MYO1E: variants seen among roughly 807,000 people sequenced by gnomAD.
MYO1E encodes myosin IE.
A neutral mutation model predicts 151.1 loss-of-function variants in MYO1E; 68 were observed. The observed-to-expected ratio is 0.45, with a 90% confidence interval of 0.37 to 0.55. MYO1E has a LOEUF of 0.55. Among genes scored for constraint, MYO1E ranks in the 20% least tolerant of loss-of-function variants. The probability of loss-of-function intolerance (pLI) is 0.00; values close to 1 mark genes in which losing one functional copy is unlikely to be tolerated. For synonymous variants in MYO1E, 601 were observed against 501.7 expected, an observed-to-expected ratio of 1.20 and a Z score of -2.64; for missense variants, 1,363 against 1,389.3, an observed-to-expected ratio of 0.98 and a Z score of 0.30.
In MYO1E at chr15:59,259,107, C is replaced by A. The variant is rs563904324; in HGVS notation, c.237+2313G>T. On this transcript the variant is annotated intron_variant, in intron 3 of 27. Coordinates refer to ENST00000288235, the MANE Select transcript of MYO1E (RefSeq NM_004998.4). ...CCACCATGCCCAGTCCAATTTCCCT[C>A]TTTTGGTCATCCTCTCAATTTTGAG... 4.5e-4 allele frequency among the ~76,000 whole-genome samples: 68 copies of A among 152,274 alleles called. 2 individuals carry two copies. In the South Asian group the frequency reaches 0.012, roughly 26 times the overall value.
At chr15:59,370,167 G>T (rs1417602110) in intron 1 of MYO1E, among the ~76,000 whole-genome samples, 2 of 152,198 alleles carry the variant, frequency 1.3e-5, no homozygotes, top group South Asian at 2.1e-4. Flanking sequence ...CACACCCAAA[G>T]AAGGTAATGT....
At position 59,335,638 on chromosome 15, in the gene MYO1E, T is replaced by C. The variant is rs1400635181; in HGVS notation, c.3+36860A>G. Among the ~76,000 whole-genome samples the C allele has an allele frequency of 4.6e-5, 7 of 152,204 alleles. No individual in the cohort carries two copies. The South Asian group carries it at 1.0e-3, about 22-fold the overall frequency. On this transcript the variant is annotated intron_variant, in intron 1 of 27. Coordinates refer to ENST00000288235, the MANE Select transcript of MYO1E (RefSeq NM_004998.4). ...CTTTGAAGTCCCCCACCTGTTTTCC[T>C]AGCTACTTGGAGGCCACGATGGACT...
At chr15:59,202,718 G>A (rs1207614474) in intron 15 of MYO1E, among the ~76,000 whole-genome samples, 1 of 152,194 alleles carries the variant, frequency 6.6e-6, no homozygotes, top group Non-Finnish European at 1.5e-5. Context: ...GAACATAACA[G>A]AGGGAGGTCA....
rs1311509062 is a variant in MYO1E, at chr15:59,223,049, GGCTAC to G, written c.910+5_910+9del. On this transcript the variant is annotated splice_donor_5th_base_variant and intron_variant, in intron 9 of 27. Coordinates refer to ENST00000288235, the MANE Select transcript of MYO1E (RefSeq NM_004998.4). ...CCCTCATTCAATGGCCACATGCCAG[GGCTAC>G]GCACACTCTTCACTCTCCACAGCCG... is the stretch of plus-strand genomic sequence containing the variant. The G allele has an allele frequency of 3.1e-6, 5 of 1,613,746 alleles. No individual in the cohort carries two copies. The highest frequency in any genetic ancestry group is 4.2e-6 in the Non-Finnish European group (5 of 1,180,012).
At chr15:59,281,801 G>A (rs1596398919) in intron 1 of MYO1E, among the ~76,000 whole-genome samples, 1 of 151,982 alleles carries the variant, frequency 6.6e-6, no homozygotes, top group South Asian at 2.1e-4. Context: ...AAATAGCTAC[G>A]AAGACAAATG....
chr15:59,372,491 A>T lies in MYO1E; in HGVS notation c.3+7T>A, dbSNP rs2080953473. ...CGGCGTCCTAGGACGCGGCGCGGCC[A>T]ACTCACCATGGTGACTCGCGCCGCG... is the stretch of plus-strand genomic sequence containing the variant. On this transcript the variant is annotated splice_region_variant and intron_variant, in intron 1 of 27. Coordinates refer to ENST00000288235, the MANE Select transcript of MYO1E (RefSeq NM_004998.4). 6.5e-7 allele frequency: 1 copy of T among 1,539,550 alleles called. No homozygotes were observed. Among genetic ancestry groups the T allele is most frequent in the East Asian group, 2.5e-5 (1 of 40,684 alleles).
intron 26 of MYO1E, among the ~76,000 whole-genome samples, chr15:59,143,831 A>G (rs2079425156): frequency 6.6e-6 from 1 of 152,132 alleles, no homozygotes; most frequent in African/African-American, 2.4e-5. Context: ...GCCTCTGCCC[A>G]CTTCCCAGGC....
At chr15:59,165,210 A>G (rs1427331416) in intron 22 of MYO1E, among the ~76,000 whole-genome samples, 1 of 152,172 alleles carries the variant, frequency 6.6e-6, no homozygotes, top group African/African-American at 2.4e-5. Context: ...GAACCACAGC[A>G]CAATTGGATA....
chr15:59,320,144 C>T (rs1045672733), intron 1 of MYO1E, among the ~76,000 whole-genome samples: 1 of 152,056 alleles, frequency 6.6e-6, no homozygotes, highest in Non-Finnish European at 1.5e-5. Flanking sequence ...ATAAGAACTA[C>T]AAAACACTGT....
intron 7 of MYO1E, among the ~76,000 whole-genome samples, chr15:59,225,086 G>A (rs1211215059): frequency 1.3e-5 from 2 of 152,198 alleles, no homozygotes; most frequent in African/African-American, 4.8e-5. Flanking sequence ...CGGAAGAGTG[G>A]AAAGCAAAAC....
Position 59,195,453 on chromosome 15 carries a change from C to T in MYO1E, c.1805+8G>A, listed in dbSNP as rs757001000. 6.2e-7 allele frequency: 1 copy of T among 1,609,598 alleles called. No homozygotes were observed. The highest frequency in any genetic ancestry group is 1.1e-5 in the South Asian group (1 of 90,982). On this transcript the variant is annotated splice_region_variant and intron_variant, in intron 17 of 27. Coordinates refer to ENST00000288235, the MANE Select transcript of MYO1E (RefSeq NM_004998.4). Reference sequence around the variant, plus strand: ...CCCGGCCCCACCTAAGCCGGTTTCCCCCGATACCTGCTTTCCTCCCAGTCT... The same window carrying T: ...CCCGGCCCCACCTAAGCCGGTTTCCTCCGATACCTGCTTTCCTCCCAGTCT...
At position 59,135,695 on chromosome 15, in the gene MYO1E, A is replaced by G. The variant is rs527983794; in HGVS notation, c.*1685T>C. ...GTATCTTCGTTTCAAATCTAGATCA[A>G]TTTTTTTCCCTTATACGTAAGCCCT... is the stretch of plus-strand genomic sequence containing the variant. On this transcript the variant is annotated 3_prime_UTR_variant, in exon 28 of 28. Coordinates refer to ENST00000288235, the MANE Select transcript of MYO1E (RefSeq NM_004998.4). 1.3e-5 allele frequency: 2 copies of G among 152,076 alleles called. No individual in the cohort carries two copies. The highest frequency in any genetic ancestry group is 4.8e-5 in the African/African-American group (2 of 41,420). 9.4% of individuals were successfully genotyped at this position (152,076 alleles called of 1,614,324 possible). A position where few individuals can be genotyped will look rare whatever the true frequency, so the allele number is the denominator to read the frequency against.
intron 9 of MYO1E, among the ~76,000 whole-genome samples, chr15:59,218,789 G>A (rs1399693772): frequency 1.3e-5 from 2 of 152,188 alleles, no homozygotes; most frequent in Non-Finnish European, 2.9e-5. Flanking sequence ...TTTGAGCTGG[G>A]TGTAAAGGAT....
In MYO1E at chr15:59,272,367, T is replaced by C. The variant is rs1339130635; in HGVS notation, c.86A>G (p.Lys29Arg). The change falls in exon 2 of 28, where the codon AAG becomes AGG. Residue 29 changes from lysine to arginine, a missense_variant. Physicochemically the swap from Lys to Arg is conservative, Grantham distance 26 (BLOSUM62 2). Transcript: ENST00000288235. ...CTCCACGATGGAGTTCTCTGTGATC[T>C]TGGACAGTAGCACCATGTCGTCCAC... Reference protein sequence around the residue: ...SGVDDMVLLSKITENSIVENL... With the variant: ...SGVDDMVLLSRITENSIVENL... 3 of 1,614,008 alleles carry C rather than the reference T, an allele frequency of 1.9e-6. No homozygotes were observed. Among genetic ancestry groups the C allele is most frequent in the Non-Finnish European group, 2.5e-6 (3 of 1,179,928 alleles).
Position 59,256,342 on chromosome 15 carries a change from C to G in MYO1E, c.274G>C (p.Ala92Pro), listed in dbSNP as rs771654418. 6.2e-7 allele frequency: 1 copy of G among 1,612,608 alleles called. No individual in the cohort carries two copies. The highest frequency in any genetic ancestry group is 8.5e-7 in the Non-Finnish European group (1 of 1,179,012). Residue 92 changes from alanine (A) to proline (P), a missense_variant, in exon 4 of 28, where the codon GCA becomes CCA. By Grantham distance (27) the Ala-to-Pro change is conservative (BLOSUM62 -1). Coordinates refer to ENST00000288235, the MANE Select transcript of MYO1E (RefSeq NM_004998.4). ...ATCATGTTTCTGTACATATTATCTG[C>G]AAGGGCATAGATATGTGGTGGGTTT... The part of the protein sequence containing the change: ...YENPPHIYAL[A>P]DNMYRNMIID...
At chr15:59,150,099 G>A (rs1170302003) in intron 26 of MYO1E, among the ~76,000 whole-genome samples, 2 of 152,200 alleles carry the variant, frequency 1.3e-5, no homozygotes, top group African/African-American at 4.8e-5. Context: ...TGAGCCTTTT[G>A]CCCAAGGTAC....
intron 18 of MYO1E, among the ~76,000 whole-genome samples, chr15:59,187,506 T>C (rs1350491611): frequency 6.6e-6 from 1 of 152,212 alleles, no homozygotes; most frequent in Non-Finnish European, 1.5e-5. Context: ...GTGCAGCCAC[T>C]TCAGAAAACA....
chr15:59,178,511 C>A lies in MYO1E; in HGVS notation c.1931G>T (p.Trp644Leu). 1 of 1,614,162 alleles carries A rather than the reference C, an allele frequency of 6.2e-7. No homozygotes were observed. Among genetic ancestry groups the A allele is most frequent in the Non-Finnish European group, 8.5e-7 (1 of 1,180,008 alleles). ...QRYAILTKAT[W>L]PSWQGEEKQG... The stretch of plus-strand genomic sequence containing the variant: ...CTTCTCCTCTCCCTGCCAAGAAGGC[C>A]AGGTGGCTTTGGTCAGAATGGCATA... The change falls in exon 19 of 28, where the codon TGG (tryptophan) becomes TTG (leucine). Residue 644 changes from tryptophan (W) to leucine (L), a missense_variant. By Grantham distance (61) the Trp-to-Leu change is moderately conservative. Transcript: ENST00000288235.
At position 59,334,397 on chromosome 15, in the gene MYO1E, TGCATTGTA is replaced by T. The variant is rs535100779; in HGVS notation, c.3+38093_3+38100del. On this transcript the variant is annotated intron_variant, in intron 1 of 27. Transcript: ENST00000288235. Reference sequence around the variant, plus strand: ...CCCATTTATCCTGATGTGATTATTATGCATTGTAGGACTGTATCAAAATATTGCATGTA... The same window carrying T: ...CCCATTTATCCTGATGTGATTATTATGGACTGTATCAAAATATTGCATGTA... Among the ~76,000 whole-genome samples, 53 of 152,240 alleles carry T rather than the reference TGCATTGTA, an allele frequency of 3.5e-4. No homozygotes were observed. The South Asian group carries it at 5.6e-3, about 16-fold the overall frequency.
Sources: gnomAD v4.1 joint callset for allele counts (sites outside exome capture counted in the v4.1 genomes callset) on GRCh38, gnomAD v4.1.1 for gene constraint, MANE v1.5 for transcripts, NCBI Gene and HGNC (gene_info 2026-07-23, HGNC 2026-07-21) for gene names.